ATRX: variants seen among roughly 807,000 people sequenced by gnomAD.
The protein encoded by ATRX is ATRX chromatin remodeler.
ATRX carries 12 observed loss-of-function variants against 172.6 expected under a neutral mutation model. That is an observed-to-expected ratio of 0.07 (90% CI 0.04 to 0.11). The LOEUF (loss-of-function observed/expected upper bound fraction) is 0.11, where lower values mean the gene tolerates loss of function less well. Among genes scored for constraint, ATRX ranks in the 10% least tolerant of loss-of-function variants. The pLI, the probability that ATRX is intolerant of heterozygous loss-of-function variation, is 1.00. For synonymous variants in ATRX, 674 were observed against 594.7 expected, an observed-to-expected ratio of 1.13 and a Z score of -1.94; for missense variants, 1,368 against 1,767.4, an observed-to-expected ratio of 0.77 and a Z score of 4.05.
intron 1 of ATRX, among the ~76,000 whole-genome samples, chrX:77,766,662 T>C (rs1393005176): frequency 1.0e-5 from 1 of 99,548 alleles, no homozygotes; most frequent in Non-Finnish European, 2.0e-5. Context: ...CTAGATGGGA[T>C]GGCGGCCGGG....
chrX:77,693,761 C>T (rs1050852960), intron 6 of ATRX, 63 bp downstream of exon 6: 7 of 935,329 alleles, frequency 7.5e-6, no homozygotes, highest in South Asian at 3.9e-5. Flanking sequence ...TAAGCACATC[C>T]GATTTTCCAA....
chrX:77,758,335 G>C (rs1415395119), intron 1 of ATRX, among the ~76,000 whole-genome samples: 1 of 107,375 alleles, frequency 9.3e-6, no homozygotes, highest in African/African-American at 3.4e-5. Context: ...GTTTGCAGTG[G>C]GCCAAGATGA....
intron 1 of ATRX, among the ~76,000 whole-genome samples, chrX:77,746,481 TAA>T (rs2075081830): frequency 2.7e-5 from 3 of 111,922 alleles, no homozygotes; most frequent in African/African-American, 6.5e-5. Context: ...TCTTACCACC[TAA>T]AACTACATAT....
intron 1 of ATRX, among the ~76,000 whole-genome samples, chrX:77,781,176 TCA>T (rs200685186): frequency 0.057 from 6,318 of 110,300 alleles, 481 homozygotes; most frequent in African/African-American, 0.2. Flanking sequence ...GCGCGGTGGC[TCA>T]CACCTGTAAT....
At chrX:77,717,014 C>A in intron 2 of ATRX, 117 bp downstream of exon 2, 1 of 622,701 alleles carries the variant, frequency 1.6e-6, no homozygotes, top group Non-Finnish European at 2.5e-6. Flanking sequence ...TCATTTTCCA[C>A]AAACTGAAAT....
intron 27 of ATRX, among the ~76,000 whole-genome samples, chrX:77,579,474 A>C (rs1438957812): frequency 3.9e-5 from 4 of 102,188 alleles, no homozygotes; most frequent in African/African-American, 1.5e-4. Flanking sequence ...GTTTGGGAGA[A>C]AGTAAAGGAA....
intron 15 of ATRX, among the ~76,000 whole-genome samples, chrX:77,644,248 C>CA (rs1454764242): frequency 8.9e-6 from 1 of 112,493 alleles, no homozygotes; most frequent in Non-Finnish European, 1.9e-5. Context: ...AGCAGACGTT[C>CA]AAAAAAATCT....
At chrX:77,524,443 G>A (rs1263134730) in intron 30 of ATRX, among the ~76,000 whole-genome samples, 1 of 111,548 alleles carries the variant, frequency 9.0e-6, no homozygotes, top group Non-Finnish European at 1.9e-5. Context: ...ATAAATTTTT[G>A]CATAGACAAA....
chrX:77,542,241 T>C (rs868913513), intron 30 of ATRX, among the ~76,000 whole-genome samples: 7 of 111,369 alleles, frequency 6.3e-5, no homozygotes, highest in Middle Eastern at 9.3e-3. Flanking sequence ...ATAAAATACC[T>C]AGGAATACAA....
At chrX:77,545,510 T>C (rs782112685) in intron 30 of ATRX, among the ~76,000 whole-genome samples, 43 of 111,008 alleles carry the variant, frequency 3.9e-4, no homozygotes, top group African/African-American at 1.2e-3. Context: ...AAATGAAATA[T>C]TAGGAAAAAA....
chrX:77,691,830 A>G (rs2071906962), intron 6 of ATRX, among the ~76,000 whole-genome samples: 1 of 111,791 alleles, frequency 8.9e-6, no homozygotes, highest in Non-Finnish European at 1.9e-5. Flanking sequence ...TATAAAGTAA[A>G]CCTAGTGTTA....
chrX:77,553,335 ATCAT>A (rs1324222530), intron 30 of ATRX, among the ~76,000 whole-genome samples: 1 of 111,725 alleles, frequency 9.0e-6, no homozygotes, highest in Non-Finnish European at 1.9e-5. Flanking sequence ...TCCCACCTGA[ATCAT>A]TTTAGTAGCA....
chrX:77,645,133 C>T (rs1557113077), intron 15 of ATRX, among the ~76,000 whole-genome samples: 1 of 111,198 alleles, frequency 9.0e-6, no homozygotes, highest in Non-Finnish European at 1.9e-5. Flanking sequence ...AAAAAGTTAG[C>T]TGAGGATTCT....
At chrX:77,698,475 G>A (rs1392947344) in intron 3 of ATRX, 99 bp downstream of exon 3, 1 of 715,045 alleles carries the variant, frequency 1.4e-6, no homozygotes, top group Admixed American at 2.8e-5. Context: ...CTGGGTATCA[G>A]TAGCCTTCGA....
chrX:77,784,532 T>C (rs1342529989), intron 1 of ATRX, among the ~76,000 whole-genome samples: 2 of 112,026 alleles, frequency 1.8e-5, no homozygotes, highest in East Asian at 2.8e-4. Flanking sequence ...ACACCATCCA[T>C]GCATATGAAC....
intron 1 of ATRX, among the ~76,000 whole-genome samples, chrX:77,725,776 G>GA (rs1315687142): frequency 5.4e-5 from 6 of 111,684 alleles, no homozygotes; most frequent in Admixed American, 9.5e-5. Flanking sequence ...AAATTTACAA[G>GA]AAAAAAATCA....
In ATRX at chrX:77,759,543, G is replaced by A. The variant is rs184016161; in HGVS notation, c.20+26439C>T. Among the ~76,000 whole-genome samples the A allele has an allele frequency of 1.0e-4, 11 of 109,493 alleles. No individual in the cohort carries two copies. In the East Asian group the frequency reaches 2.3e-3, roughly 23 times the overall value. Reference sequence around the variant, plus strand: ...AGCCTGGCCAACACAGAGAAACCCCGTCTCTACTAAAAATACAAAAATTAG... The same window carrying A: ...AGCCTGGCCAACACAGAGAAACCCCATCTCTACTAAAAATACAAAAATTAG... On this transcript the variant is annotated intron_variant, in intron 1 of 34. Coordinates refer to ENST00000373344, the MANE Select transcript of ATRX (RefSeq NM_000489.6).
chrX:77,764,565 G>C (rs1456731084), intron 1 of ATRX, among the ~76,000 whole-genome samples: 3 of 112,212 alleles, frequency 2.7e-5, no homozygotes, highest in Non-Finnish European at 5.6e-5. Flanking sequence ...CATATAGAAG[G>C]CATGTGATGC....
At position 77,557,507 on chromosome X, in the gene ATRX, A is replaced by G. The variant is rs782060162; in HGVS notation, c.6643T>C (p.Leu2215=). The G allele has an allele frequency of 6.6e-6, 8 of 1,208,666 alleles. No individual in the cohort carries two copies. Among genetic ancestry groups the G allele is most frequent in the East Asian group, 3.0e-5 (1 of 33,735 alleles). Residue 2215 remains leucine, a synonymous_variant, in exon 30 of 35, where the codon TTA becomes CTA. Coordinates refer to ENST00000373344, the MANE Select transcript of ATRX (RefSeq NM_000489.6). ...TELYTFEPDL[L]DDPNSEKKKK... ...TTCTTTTCTGAATTAGGGTCATCTA[A>G]TAAGTCTGGCTCAAAAGTATAAAGT...
Sources: allele counts gnomAD v4.1 joint callset (sites outside exome capture counted in the v4.1 genomes callset), GRCh38; gene constraint gnomAD v4.1.1; transcripts MANE v1.5; gene names NCBI Gene and HGNC (gene_info 2026-07-23, HGNC 2026-07-21).